Variants in KIF26B observed in about 807,000 individuals in gnomAD.
The protein encoded by KIF26B is kinesin-like protein KIF26B.
A neutral mutation model predicts 151.2 loss-of-function variants in KIF26B; 63 were observed. That is an observed-to-expected ratio of 0.42 (90% CI 0.34 to 0.51). KIF26B has a LOEUF of 0.51. Ranked by LOEUF, KIF26B falls within the 20% of genes least tolerant of loss-of-function variation. KIF26B has a pLI of 0.07. For missense variants in KIF26B, 2,813 were observed against 2,913.6 expected (o/e 0.97, Z 0.79); for synonymous variants, 1,357 against 1,262.1 (o/e 1.08, Z -1.59).
At chr1:245,689,391 G>A (rs993196799) in intron 12 of KIF26B, among the ~76,000 whole-genome samples, 5 of 152,132 alleles carry the variant, frequency 3.3e-5, no homozygotes, top group Non-Finnish European at 7.3e-5. Context: ...GTGGGATAAC[G>A]CACAGATTGT....
At chr1:245,231,621 C>T (rs59217125) in intron 2 of KIF26B, among the ~76,000 whole-genome samples, 8,567 of 152,104 alleles carry the variant, frequency 0.056, 492 homozygotes, top group African/African-American at 0.15. Flanking sequence ...ATTGACCCAG[C>T]GTGATTAAAT....
intron 9 of KIF26B, chr1:245,615,162 T>C (rs925722266): frequency 3.3e-5 from 5 of 152,236 alleles, no homozygotes; most frequent in Non-Finnish European, 5.9e-5. Flanking sequence ...GTTTATTCTT[T>C]TAAGCAGCTG....
chr1:245,405,259 A>T (rs907998331), intron 3 of KIF26B, among the ~76,000 whole-genome samples: 2 of 152,180 alleles, frequency 1.3e-5, no homozygotes, highest in Non-Finnish European at 2.9e-5. Flanking sequence ...GGAGTAAGGG[A>T]TCCGAACCTC....
chr1:245,472,268 C>G (rs1011112730), intron 4 of KIF26B, among the ~76,000 whole-genome samples: 5 of 152,182 alleles, frequency 3.3e-5, no homozygotes, highest in Admixed American at 6.5e-5. Flanking sequence ...GAGGTTCTCA[C>G]CACGTATTTA....
chr1:245,158,856 G>A (rs1558328538), intron 2 of KIF26B, among the ~76,000 whole-genome samples: 1 of 39,336 alleles, frequency 2.5e-5, no homozygotes, highest in African/African-American at 6.2e-5. Flanking sequence ...GTGTGTGTGT[G>A]TGTGTGTGTG....
chr1:245,196,044 G>T (rs528386358), intron 2 of KIF26B, among the ~76,000 whole-genome samples: 180 of 152,286 alleles, frequency 1.2e-3, no homozygotes, highest in African/African-American at 4.3e-3. Context: ...TCCTTCTGTG[G>T]CAGGAGGATG....
At chr1:245,634,967 A>T (rs2103175506) in intron 9 of KIF26B, among the ~76,000 whole-genome samples, 1 of 152,184 alleles carries the variant, frequency 6.6e-6, no homozygotes, top group East Asian at 1.9e-4. Context: ...TCAGCCTCCC[A>T]TAATACTGAG....
chr1:245,688,733 C>G lies in KIF26B; in HGVS notation c.5750C>G (p.Ser1917Cys). 1 of 1,608,360 alleles carries G rather than the reference C, an allele frequency of 6.2e-7. No individual in the cohort carries two copies. The highest frequency in any genetic ancestry group is 1.1e-5 in the South Asian group (1 of 90,502). ...ATGSASSAQD[S>C]TSENSSSVGG... ...GGCAGCGCGTCCTCGGCGCAGGACT[C>G]CACGAGCGAGAACAGCAGCTCCGTG... Residue 1917 changes from serine (S) to cysteine (C), a missense_variant, in exon 12 of 15, where the codon TCC becomes TGC. Around this residue, in one of 3 missense-constraint regions of KIF26B, gnomAD observed 2,060 missense variants for 2,088.6 expected, o/e 0.99. Transcript: ENST00000407071.
chr1:245,658,808 C>A (rs995181671), intron 10 of KIF26B, among the ~76,000 whole-genome samples: 1 of 152,182 alleles, frequency 6.6e-6, no homozygotes, highest in Non-Finnish European at 1.5e-5. Flanking sequence ...TTTCCCCCCT[C>A]CTAATTCTTT....
At chr1:245,205,243 TA>T (rs1286574164) in intron 2 of KIF26B, among the ~76,000 whole-genome samples, 3 of 152,202 alleles carry the variant, frequency 2.0e-5, no homozygotes, top group Non-Finnish European at 4.4e-5. Flanking sequence ...GACATCGTGT[TA>T]AAAAGACCGT....
In KIF26B at chr1:245,702,012, TA is replaced by T. The variant is rs2147971726; in HGVS notation, c.6179-444del. ...AACATCAGGAAAGGCATCTGGGTTATAATCCAGAAACGTCCTTTCATATAAG... is the reference window on the plus strand; with the variant it reads ...AACATCAGGAAAGGCATCTGGGTTATATCCAGAAACGTCCTTTCATATAAG... On this transcript the variant is annotated intron_variant, in intron 14 of 14. Coordinates refer to ENST00000407071, the MANE Select transcript of KIF26B (RefSeq NM_018012.4). This position sits in a 1 kb window ranked among gnomAD's most constrained non-coding sequence, Gnocchi z 4.1. Among the ~76,000 whole-genome samples, 1 of 152,378 alleles carries T rather than the reference TA, an allele frequency of 6.6e-6. No homozygotes were observed. The highest frequency in any genetic ancestry group is 2.4e-5 in the African/African-American group (1 of 41,598).
intron 2 of KIF26B, among the ~76,000 whole-genome samples, chr1:245,171,290 TC>T (rs1211238214): frequency 1.3e-5 from 2 of 152,220 alleles, no homozygotes; most frequent in Admixed American, 6.5e-5. Flanking sequence ...ACGCCTGTAA[TC>T]CCAGCACTTT....
chr1:245,230,348 G>A (rs981296272), intron 2 of KIF26B, among the ~76,000 whole-genome samples: 1 of 152,128 alleles, frequency 6.6e-6, no homozygotes, highest in Non-Finnish European at 1.5e-5. Context: ...GAAACTTAGA[G>A]GCACCCAAGG....
chr1:245,686,546 T>C lies in KIF26B; in HGVS notation c.3563T>C (p.Leu1188Pro), dbSNP rs780201637. ...QPLELNGEDE[L>P]VFTLVEELTI... ...CTGGAGCTGAACGGTGAGGACGAGC[T>C]GGTGTTCACGCTGGTGGAGGAGCTG... The change falls in exon 12 of 15, where the codon CTG becomes CCG. Residue 1188 changes from leucine (L) to proline (P), a missense_variant. Around this residue, in one of 3 missense-constraint regions of KIF26B, gnomAD observed 2,060 missense variants for 2,088.6 expected, o/e 0.99. Transcript: ENST00000407071. The surrounding 1 kb of genome is among the most constrained non-coding windows in gnomAD (Gnocchi z 5.6). 1 of 1,613,130 alleles carries C rather than the reference T, an allele frequency of 6.2e-7. No homozygotes were observed. The highest frequency in any genetic ancestry group is 8.5e-7 in the Non-Finnish European group (1 of 1,179,844).
chr1:245,453,520 G>C (rs1192415305), intron 4 of KIF26B, among the ~76,000 whole-genome samples: 1 of 152,130 alleles, frequency 6.6e-6, no homozygotes, highest in South Asian at 2.1e-4. Context: ...TGGGGTAAAG[G>C]CTCCTAATTT....
chr1:245,288,724 A>G (rs764992177), intron 2 of KIF26B, among the ~76,000 whole-genome samples: 5 of 152,204 alleles, frequency 3.3e-5, no homozygotes, highest in Admixed American at 6.5e-5. Flanking sequence ...TATACCATGC[A>G]TAGGTTTGTG....
At chr1:245,345,772 G>T (rs1214979405) in intron 2 of KIF26B, among the ~76,000 whole-genome samples, 1 of 151,986 alleles carries the variant, frequency 6.6e-6, no homozygotes, top group Non-Finnish European at 1.5e-5. Flanking sequence ...GGTGTAAACT[G>T]CCTGCTCCCA....
intron 2 of KIF26B, among the ~76,000 whole-genome samples, chr1:245,350,945 C>T (rs1252719721): frequency 6.6e-6 from 1 of 152,072 alleles, no homozygotes; most frequent in South Asian, 2.1e-4. Context: ...TTGGTTTGTC[C>T]TTCTGGAAAA....
chr1:245,462,503 C>T (rs772069148), intron 4 of KIF26B, among the ~76,000 whole-genome samples: 1 of 152,184 alleles, frequency 6.6e-6, no homozygotes, highest in Non-Finnish European at 1.5e-5. Context: ...AAATAGGTTA[C>T]TCCTTTGTGG....
Sources: gnomAD v4.1 joint callset for allele counts (sites outside exome capture counted in the v4.1 genomes callset) on GRCh38, gnomAD v4.1.1 for gene constraint, gnomAD v4.1.1 regional missense constraint, Gnocchi (gnomAD v3.1) non-coding constraint, MANE v1.5 for transcripts, NCBI Gene and HGNC (gene_info 2026-07-23, HGNC 2026-07-21) for gene names.